Variants in PPFIA1 observed in about 807,000 individuals in gnomAD.
PPFIA1 encodes liprin-alpha-1.
A neutral mutation model predicts 149.9 loss-of-function variants in PPFIA1; 25 were observed. The observed-to-expected ratio is 0.17, with a 90% CI of 0.12 to 0.23. The LOEUF is 0.23. Among genes scored for constraint, PPFIA1 ranks in the 10% least tolerant of loss-of-function variants. The pLI, the probability that PPFIA1 is intolerant of heterozygous loss-of-function variation, is 1.00. For missense variants in PPFIA1, 1,362 were observed against 1,506.5 expected (o/e 0.90, Z 1.59); for synonymous variants, 549 against 552.8 (o/e 0.99, Z 0.10).
intron 2 of PPFIA1, among the ~76,000 whole-genome samples, chr11:70,275,445 G>T (rs184232038): frequency 7.6e-4 from 116 of 152,292 alleles, no homozygotes; most frequent in African/African-American, 2.7e-3. Context: ...ATGTAGCCCA[G>T]TTGATCCATC....
At chr11:70,271,497 A>G (rs914770338) in intron 1 of PPFIA1, among the ~76,000 whole-genome samples, 1 of 150,156 alleles carries the variant, frequency 6.7e-6, no homozygotes, top group Admixed American at 6.6e-5. Context: ...GGCTGTATCG[A>G]CCTGCTATAT....
chr11:70,333,690 T>G, intron 10 of PPFIA1, 137 bp downstream of exon 10: 1 of 703,006 alleles, frequency 1.4e-6, no homozygotes, highest in Non-Finnish European at 2.6e-6. Context: ...TGCATTTGTT[T>G]TGCACCCTCA....
Position 70,362,417 on chromosome 11 carries a change from C to G in PPFIA1, c.2794C>G (p.Leu932Val), listed in dbSNP as rs2056706206. The G allele has an allele frequency of 6.2e-7, 1 of 1,614,188 alleles. No individual in the cohort carries two copies. The highest frequency in any genetic ancestry group is 8.5e-7 in the Non-Finnish European group (1 of 1,180,020). ...EIGISNPLHR[L>V]KLRLAIQEIM... is the part of the protein sequence containing the mutation. ...TGGCATCAGCAACCCCCTGCACAGG[C>G]TGAAGCTGAGGCTGGCCATCCAGGA... Residue 932 changes from leucine to valine, a missense_variant, in exon 21 of 28, where the codon CTG (leucine) becomes GTG (valine). Physicochemically the swap from Leu to Val is conservative, Grantham distance 32. This residue lies in a region of PPFIA1 where 349 missense variants were observed against 373.3 expected (regional missense o/e 0.93). Coordinates refer to ENST00000253925, the MANE Select transcript of PPFIA1 (RefSeq NM_003626.5).
chr11:70,289,822 G>A lies in PPFIA1; in HGVS notation c.264+17386G>A, dbSNP rs542468886. Among the ~76,000 whole-genome samples the A allele has an allele frequency of 2.6e-5, 4 of 152,356 alleles. No homozygotes were observed. The South Asian group carries it at 8.3e-4, about 32-fold the overall frequency. On this transcript the variant is annotated intron_variant, in intron 2 of 27. Transcript: ENST00000253925. ...CCAGGTGTGGTGGCACACACCTGCAGTCCAAGCTACTTGAGAGGCTGAGGT... is the reference window on the plus strand; with the variant it reads ...CCAGGTGTGGTGGCACACACCTGCAATCCAAGCTACTTGAGAGGCTGAGGT...
chr11:70,382,512 C>T (rs74685551), intron 27 of PPFIA1, among the ~76,000 whole-genome samples: 2,096 of 152,048 alleles, frequency 0.014, 14 homozygotes, highest in Admixed American at 0.025. Flanking sequence ...CTCCTGACGT[C>T]GTTATGCACA....
intron 2 of PPFIA1, among the ~76,000 whole-genome samples, chr11:70,304,746 A>G (rs1440217348): frequency 6.6e-6 from 1 of 152,200 alleles, no homozygotes; most frequent in Non-Finnish European, 1.5e-5. Context: ...ACACAGCTGC[A>G]GAACTGCATG....
At chr11:70,325,317 T>G (rs2136806837) in intron 4 of PPFIA1, among the ~76,000 whole-genome samples, 183 bp from the exon 5 acceptor site, 1 of 152,112 alleles carries the variant, frequency 6.6e-6, no homozygotes, top group African/African-American at 2.4e-5. Flanking sequence ...TTTCTGAAAC[T>G]TAATTTAGAG....
chr11:70,367,376 A>G (rs1354472440), intron 21 of PPFIA1: 1 of 381,870 alleles, frequency 2.6e-6, no homozygotes, highest in Non-Finnish European at 5.2e-6. Flanking sequence ...GGTCAAAACC[A>G]TTTATACCTC....
intron 21 of PPFIA1, 199 bp from the exon 22 acceptor site, chr11:70,372,016 T>C (rs1591379818): frequency 2.4e-6 from 1 of 408,854 alleles, no homozygotes; most frequent in East Asian, 3.7e-5. Flanking sequence ...ATATTTTTCA[T>C]GTTACTATTC....
rs553667274 is a variant in PPFIA1, at chr11:70,295,460, C to A, written c.264+23024C>A. Among the ~76,000 whole-genome samples, 286 of 140,870 alleles carry A rather than the reference C, an allele frequency of 2.0e-3. 1 individual carries two copies. Among genetic ancestry groups the A allele is most frequent in the African/African-American group, 7.4e-3 (278 of 37,358 alleles). 92.4% of individuals were successfully genotyped at this position (140,870 alleles called of 152,430 possible). A position where few individuals can be genotyped will look rare whatever the true frequency, so the allele number is the denominator to read the frequency against. ...TCACTTCCCAGTAGGGGCAGCCGGG[C>A]AGAGGCGCCCCTCACCTCCTGGACG... On this transcript the variant is annotated intron_variant, in intron 2 of 27. Coordinates refer to ENST00000253925, the MANE Select transcript of PPFIA1 (RefSeq NM_003626.5).
intron 26 of PPFIA1, chr11:70,378,489 A>C: frequency 9.0e-7 from 1 of 1,111,986 alleles, no homozygotes; most frequent in Non-Finnish European, 1.1e-6. Flanking sequence ...GCATACTTGT[A>C]AATTTGTGTC....
chr11:70,360,256 AAG>A (rs552608280), intron 19 of PPFIA1, among the ~76,000 whole-genome samples: 212 of 152,386 alleles, frequency 1.4e-3, no homozygotes, highest in African/African-American at 4.7e-3. Flanking sequence ...CATTGCCAGG[AAG>A]AGGGTACTGG....
At chr11:70,349,749 C>T (rs1361769839) in intron 16 of PPFIA1, among the ~76,000 whole-genome samples, 1 of 152,084 alleles carries the variant, frequency 6.6e-6, no homozygotes, top group Non-Finnish European at 1.5e-5. Flanking sequence ...ATTTTAAACT[C>T]TTTGACTGTT....
intron 25 of PPFIA1, 59 bp from the exon 26 acceptor site, chr11:70,377,971 T>G (rs2057553534): frequency 1.5e-6 from 2 of 1,360,856 alleles, no homozygotes; most frequent in Non-Finnish European, 2.1e-6. Context: ...ACATGTAACT[T>G]TACATCTCTG....
chr11:70,282,675 C>G (rs2050837222), intron 2 of PPFIA1, among the ~76,000 whole-genome samples: 1 of 149,232 alleles, frequency 6.7e-6, no homozygotes, highest in South Asian at 2.1e-4. Context: ...ACTACAGGTG[C>G]CCGCCACTAC....
At chr11:70,365,611 T>C (rs1162360971) in intron 21 of PPFIA1, 1 of 355,136 alleles carries the variant, frequency 2.8e-6, no homozygotes, top group Non-Finnish European at 5.5e-6. Flanking sequence ...TTATTTTAGA[T>C]TTTTTCCAGG....
At chr11:70,376,203 G>A (rs1167410348) in intron 24 of PPFIA1, among the ~76,000 whole-genome samples, 1 of 152,088 alleles carries the variant, frequency 6.6e-6, no homozygotes, top group Non-Finnish European at 1.5e-5. Context: ...TGGCCAAGCT[G>A]GTCTCAAACT....
Position 70,333,547 on chromosome 11 carries a change from G to T in PPFIA1, c.1290G>T (p.Leu430=), listed in dbSNP as rs1209686598. The T allele has an allele frequency of 6.2e-7, 1 of 1,611,438 alleles. No individual in the cohort carries two copies. The highest frequency in any genetic ancestry group is 8.5e-7 in the Non-Finnish European group (1 of 1,178,818). ...AGTTGGAGGAGAAGAATCAAGAACT[G>T]CAGCGGGTGAGCATGCAGCCCTGAG... is the stretch of plus-strand genomic sequence containing the variant. The part of the protein sequence containing the change: ...EAQLEEKNQE[L]QRARQREKMN... Residue 430 remains leucine (L), a synonymous_variant, in exon 10 of 28, where the codon CTG becomes CTT. Coordinates refer to ENST00000253925, the MANE Select transcript of PPFIA1 (RefSeq NM_003626.5).
chr11:70,302,856 G>A (rs1457810655), intron 2 of PPFIA1, among the ~76,000 whole-genome samples: 1 of 149,228 alleles, frequency 6.7e-6, no homozygotes, highest in Admixed American at 6.8e-5. Flanking sequence ...CAATCCTCCT[G>A]CCTCGGTGTC....
Sources: gnomAD v4.1 joint callset for allele counts (sites outside exome capture counted in the v4.1 genomes callset) on GRCh38, gnomAD v4.1.1 for gene constraint, gnomAD v4.1.1 regional missense constraint, MANE v1.5 for transcripts, NCBI Gene and HGNC (gene_info 2026-07-23, HGNC 2026-07-21) for gene names.